Variants in IGSF21 observed in about 807,000 individuals in gnomAD.
The protein encoded by IGSF21 is immunoglobin superfamily member 21.
A neutral mutation model predicts 46.8 loss-of-function variants in IGSF21; 28 were observed. The observed-to-expected ratio is 0.60, with a 90% CI of 0.44 to 0.82. The LOEUF (loss-of-function observed/expected upper bound fraction) is 0.82. IGSF21 is among the 40% of genes least tolerant of loss of function. The pLI is 0.00. For missense variants in IGSF21, 624 were observed against 665.5 expected, an observed-to-expected ratio of 0.94 and a Z score of 0.69; for synonymous variants, 284 against 273.6, an observed-to-expected ratio of 1.04 and a Z score of -0.38.
At chr1:18,207,016 A>C (rs1029620294) in intron 1 of IGSF21, among the ~76,000 whole-genome samples, 8 of 152,348 alleles carry the variant, frequency 5.3e-5, no homozygotes, top group Middle Eastern at 3.4e-3. Context: ...TCAAGGCATT[A>C]GCTGACTGGG....
At chr1:18,372,082 CG>C (rs1288690236) in intron 6 of IGSF21, among the ~76,000 whole-genome samples, 2 of 152,204 alleles carry the variant, frequency 1.3e-5, no homozygotes, top group African/African-American at 4.8e-5. Flanking sequence ...CCAAACTCTG[CG>C]CATTCCCATC....
At chr1:18,211,200 G>A (rs1339000657) in intron 1 of IGSF21, among the ~76,000 whole-genome samples, 1 of 152,176 alleles carries the variant, frequency 6.6e-6, no homozygotes, top group Non-Finnish European at 1.5e-5. Context: ...ACGGCTGCTA[G>A]AGTGGAGATG....
chr1:18,227,803 C>T (rs976234899), intron 1 of IGSF21, 95 bp from the exon 2 acceptor site: 13 of 849,656 alleles, frequency 1.5e-5, no homozygotes, highest in Non-Finnish European at 2.2e-5. Context: ...CCAAACTTCC[C>T]TCCTCTGTCT....
At chr1:18,300,744 A>G (rs1392183459) in intron 3 of IGSF21, among the ~76,000 whole-genome samples, 1 of 152,134 alleles carries the variant, frequency 6.6e-6, no homozygotes, top group Non-Finnish European at 1.5e-5. Flanking sequence ...CTCCCCAGAG[A>G]TAGAGTGTGC....
At chr1:18,207,505 T>C (rs896927959) in intron 1 of IGSF21, among the ~76,000 whole-genome samples, 1 of 152,216 alleles carries the variant, frequency 6.6e-6, no homozygotes, top group African/African-American at 2.4e-5. Flanking sequence ...CTCTCTAATA[T>C]GGACCATGAA....
At position 18,273,440 on chromosome 1, in the gene IGSF21, T is replaced by TTC. The variant is rs1373592193; in HGVS notation, c.184-18423_184-18422dup. Among the ~76,000 whole-genome samples the TTC allele has an allele frequency of 1.4e-3, 160 of 118,148 alleles. 8 individuals carry two copies. The highest frequency in any genetic ancestry group is 5.5e-3 in the African/African-American group (151 of 27,672). The allele number at this position is 118,148 out of a possible 152,430, so 77.5% of individuals were successfully genotyped here. A position where few individuals can be genotyped will look rare whatever the true frequency, so the allele number is the denominator to read the frequency against. On this transcript the variant is annotated intron_variant, in intron 2 of 9. Coordinates refer to ENST00000251296, the MANE Select transcript of IGSF21 (RefSeq NM_032880.5). Reference sequence around the variant, plus strand: ...TTTTCCTTTCCTTTCCTTTCTTTCTTTCTCACTTTCTTTCTTTCTCTCTCT... The same window carrying TTC: ...TTTTCCTTTCCTTTCCTTTCTTTCTTTCTCTCACTTTCTTTCTTTCTCTCTCT...
At chr1:18,242,093 T>C (rs192398719) in intron 2 of IGSF21, among the ~76,000 whole-genome samples, 55 of 151,620 alleles carry the variant, frequency 3.6e-4, no homozygotes, top group African/African-American at 1.1e-3. Context: ...GCAGTAGTGC[T>C]GCGGCACAGA....
chr1:18,257,135 T>A (rs2084900395), intron 2 of IGSF21, among the ~76,000 whole-genome samples: 1 of 152,198 alleles, frequency 6.6e-6, no homozygotes, highest in Admixed American at 6.5e-5. Context: ...GTCAAGCAAA[T>A]TATACTCTTT....
At chr1:18,181,861 A>G (rs180681370) in intron 1 of IGSF21, among the ~76,000 whole-genome samples, 1 of 152,106 alleles carries the variant, frequency 6.6e-6, no homozygotes, top group Middle Eastern at 3.2e-3. Flanking sequence ...TGCCATCACT[A>G]GATAAGACAC....
intron 4 of IGSF21, among the ~76,000 whole-genome samples, chr1:18,359,972 C>T (rs1306142403): frequency 2.6e-5 from 4 of 152,146 alleles, no homozygotes; most frequent in Non-Finnish European, 4.4e-5. Context: ...ATACTGGCAC[C>T]GTGAGTGAGT....
chr1:18,321,435 C>A (rs1208181424), intron 3 of IGSF21, among the ~76,000 whole-genome samples: 1 of 152,228 alleles, frequency 6.6e-6, no homozygotes, highest in African/African-American at 2.4e-5. Flanking sequence ...AGCAACTAGC[C>A]TGTGAGTTAA....
At chr1:18,319,889 T>C (rs2085583892) in intron 3 of IGSF21, among the ~76,000 whole-genome samples, 1 of 152,218 alleles carries the variant, frequency 6.6e-6, no homozygotes, top group Admixed American at 6.5e-5. Context: ...AAAGGTTACT[T>C]TGTTTACCGT....
chr1:18,355,700 G>A (rs2124624271), intron 4 of IGSF21, among the ~76,000 whole-genome samples: 1 of 152,180 alleles, frequency 6.6e-6, no homozygotes, highest in South Asian at 2.1e-4. Flanking sequence ...TGGTATCCTT[G>A]GTTGATCATC....
intron 2 of IGSF21, among the ~76,000 whole-genome samples, chr1:18,231,269 A>C (rs2084623608): frequency 6.6e-6 from 1 of 152,222 alleles, no homozygotes. Context: ...TCATGAATGC[A>C]TTGGATTCTT....
intron 1 of IGSF21, among the ~76,000 whole-genome samples, chr1:18,168,423 C>T (rs1409753401): frequency 6.6e-6 from 1 of 152,290 alleles, no homozygotes; most frequent in East Asian, 1.9e-4. Context: ...CACTCAGCTC[C>T]ATGCCTGAGT....
chr1:18,117,046 G>A (rs2086195082), intron 1 of IGSF21, among the ~76,000 whole-genome samples: 1 of 152,186 alleles, frequency 6.6e-6, no homozygotes, highest in African/African-American at 2.4e-5. Context: ...ATGGGCTGAG[G>A]GGAATGGTTT....
At chr1:18,369,499 T>C (rs966338197) in intron 6 of IGSF21, among the ~76,000 whole-genome samples, 3 of 152,192 alleles carry the variant, frequency 2.0e-5, no homozygotes, top group African/African-American at 7.2e-5. Context: ...TCTTAACCAC[T>C]GTGCTCTACA....
intron 1 of IGSF21, among the ~76,000 whole-genome samples, chr1:18,130,943 G>A (rs1162724510): frequency 6.6e-6 from 1 of 152,216 alleles, no homozygotes; most frequent in African/African-American, 2.4e-5. Flanking sequence ...CTGTATGGGG[G>A]ACCTGAGTGC....
At chr1:18,220,860 C>T (rs1019171906) in intron 1 of IGSF21, among the ~76,000 whole-genome samples, 3 of 152,062 alleles carry the variant, frequency 2.0e-5, no homozygotes, top group Non-Finnish European at 4.4e-5. Flanking sequence ...AGGCAGCAGG[C>T]CCTGGATGAT....
Sources: gnomAD v4.1 joint callset for allele counts (sites outside exome capture counted in the v4.1 genomes callset) on GRCh38, gnomAD v4.1.1 for gene constraint, MANE v1.5 for transcripts, NCBI Gene and HGNC (gene_info 2026-07-23, HGNC 2026-07-21) for gene names.